The following THSD4 variants were observed in gnomAD, a reference collection of about 807,000 sequenced individuals.
THSD4 encodes thrombospondin type-1 domain-containing protein 4.
THSD4 carries 69 observed loss-of-function variants against 119.0 expected under a neutral mutation model. The ratio of observed to expected loss-of-function variants is 0.58; its 90% CI spans 0.48 to 0.71. The LOEUF (loss-of-function observed/expected upper bound fraction) is 0.71, where lower values mean the gene tolerates loss of function less well. Ranked by LOEUF, THSD4 falls within the 30% of genes least tolerant of loss-of-function variation. THSD4 has a pLI of 0.00. For synonymous variants in THSD4, 524 were observed against 540.4 expected (o/e 0.97, Z 0.42); for missense variants, 1,393 against 1,391.1 (o/e 1.00, Z -0.02).
chr15:71,284,445 A>G (rs928187307), intron 6 of THSD4, among the ~76,000 whole-genome samples: 3 of 152,190 alleles, frequency 2.0e-5, no homozygotes, highest in Admixed American at 1.3e-4. Context: ...AAGTGGTTCC[A>G]TGCTACATTT....
At position 71,413,349 on chromosome 15, in the gene THSD4, T is replaced by C. The variant is rs543763852; in HGVS notation, c.1152+1526T>C. On this transcript the variant is annotated intron_variant, in intron 7 of 17. Transcript: ENST00000261862. ...AGTTTTCTTAAAATATACAATAAAT[T>C]ATTATTAGCTATAGTCACCCTATTG... 3.3e-5 allele frequency among the ~76,000 whole-genome samples: 5 copies of C among 152,310 alleles called. No individual in the cohort carries two copies. The South Asian group carries it at 1.0e-3, about 32-fold the overall frequency.
chr15:71,716,517 T>C (rs1216985838), intron 8 of THSD4, among the ~76,000 whole-genome samples: 2 of 150,334 alleles, frequency 1.3e-5, no homozygotes, highest in Non-Finnish European at 3.0e-5. Context: ...GATTTAATTC[T>C]TTTTGTTCAT....
chr15:71,737,978 C>T lies in THSD4; in HGVS notation c.1877C>T (p.Thr626Ile), dbSNP rs537852150. ...GATCACAACTGGAAGCAGCTTGGGA[C>T]AACAGAATGTTCCACGACCTGTGGG... ...SRDHNWKQLGTTECSTTCGKG... is the reference protein window; with the variant it reads ...SRDHNWKQLGITECSTTCGKG... The change falls in exon 11 of 18, where the codon ACA becomes ATA. Residue 626 changes from threonine (T) to isoleucine (I), a missense_variant. By Grantham distance (89) the Thr-to-Ile change is moderately conservative (BLOSUM62 -1). Coordinates refer to ENST00000261862, the MANE Select transcript of THSD4 (RefSeq NM_024817.3). 6.2e-7 allele frequency: 1 copy of T among 1,613,804 alleles called. No homozygotes were observed.
chr15:71,156,660 C>A (rs1299072332), intron 3 of THSD4, among the ~76,000 whole-genome samples: 3 of 152,090 alleles, frequency 2.0e-5, no homozygotes, highest in Non-Finnish European at 2.9e-5. Flanking sequence ...TTCTTGGGAG[C>A]AGTTCTTTGC....
At chr15:71,608,148 G>A (rs142681383) in intron 7 of THSD4, among the ~76,000 whole-genome samples, 11,948 of 150,804 alleles carry the variant, frequency 0.079, 508 homozygotes, top group Admixed American at 0.12. Context: ...GTTTGAACCC[G>A]GGAGGCGGTG....
intron 6 of THSD4, among the ~76,000 whole-genome samples, chr15:71,325,994 C>A (rs1024912179): frequency 2.5e-4 from 38 of 152,150 alleles, no homozygotes; most frequent in African/African-American, 8.7e-4. Flanking sequence ...ACAATTTCCA[C>A]CTCTGTGATA....
chr15:71,266,209 C>T lies in THSD4; in HGVS notation c.1015+9494C>T, dbSNP rs186522766. On this transcript the variant is annotated intron_variant, in intron 6 of 17. Coordinates refer to ENST00000261862, the MANE Select transcript of THSD4 (RefSeq NM_024817.3). ...TTGACAGACACCTCATACAGGAGAG[C>T]GCCGGCTGGCATCTAGTGGGGGTCC... is the stretch of plus-strand genomic sequence containing the variant. Among the ~76,000 whole-genome samples the T allele has an allele frequency of 1.8e-4, 28 of 152,262 alleles. No individual in the cohort carries two copies. In the East Asian group the frequency reaches 2.1e-3, roughly 12 times the overall value.
chr15:71,449,775 T>A (rs1292924182), intron 7 of THSD4, among the ~76,000 whole-genome samples: 1 of 152,166 alleles, frequency 6.6e-6, no homozygotes, highest in African/African-American at 2.4e-5. Context: ...GTAAGTAGAT[T>A]TAATTGGGAG....
At position 71,215,083 on chromosome 15, in the gene THSD4, G is replaced by T; in HGVS notation, c.148G>T (p.Gly50Cys). 1 of 1,304,238 alleles carries T rather than the reference G, an allele frequency of 7.7e-7. No individual in the cohort carries two copies. The allele number at this position is 1,304,238 out of a possible 1,614,324, so 80.8% of individuals were successfully genotyped here. The change falls in exon 4 of 18, where the codon GGC becomes TGC. Residue 50 changes from glycine to cysteine, a missense_variant. Gly to Cys is a radical substitution (Grantham distance 159). Transcript: ENST00000261862. ...AEGAPEDDGG[G>C]GAPGVWGAWG... ...GGGCGCCCCCGAGGACGACGGCGGC[G>T]GCGGCGCCCCGGGAGTGTGGGGCGC...
At chr15:71,530,945 C>CG (rs1251124922) in intron 7 of THSD4, among the ~76,000 whole-genome samples, 2 of 54,064 alleles carry the variant, frequency 3.7e-5, no homozygotes, top group Non-Finnish European at 7.4e-5. Context: ...AAATGGGGGG[C>CG]GGGGGCATTG....
intron 6 of THSD4, among the ~76,000 whole-genome samples, chr15:71,390,777 A>G (rs2046365576): frequency 6.8e-6 from 1 of 146,898 alleles, no homozygotes; most frequent in Non-Finnish European, 1.5e-5. Context: ...TCTCAAATAT[A>G]TTGGGCTTTC....
At chr15:71,642,319 C>T (rs980571225) in intron 7 of THSD4, among the ~76,000 whole-genome samples, 2 of 152,052 alleles carry the variant, frequency 1.3e-5, no homozygotes, top group African/African-American at 2.4e-5. Context: ...GGAGAGGATG[C>T]AGAGAAATAG....
At chr15:71,567,060 T>C (rs2049255712) in intron 7 of THSD4, among the ~76,000 whole-genome samples, 1 of 152,108 alleles carries the variant, frequency 6.6e-6, no homozygotes, top group African/African-American at 2.4e-5. Context: ...ATAGCAACGC[T>C]AAAAGTTAAT....
At chr15:71,566,779 T>A (rs1457663293) in intron 7 of THSD4, among the ~76,000 whole-genome samples, 1 of 148,770 alleles carries the variant, frequency 6.7e-6, no homozygotes, top group Non-Finnish European at 1.5e-5. Context: ...CATTCCCACT[T>A]GGTCATCACC....
At chr15:71,403,079 G>C (rs1468240602) in intron 6 of THSD4, among the ~76,000 whole-genome samples, 1 of 152,242 alleles carries the variant, frequency 6.6e-6, no homozygotes, top group South Asian at 2.1e-4. Flanking sequence ...TCTCTGACCT[G>C]CTCTAGTCTT....
At chr15:71,316,746 G>T (rs1350128208) in intron 6 of THSD4, among the ~76,000 whole-genome samples, 1 of 152,146 alleles carries the variant, frequency 6.6e-6, no homozygotes, top group African/African-American at 2.4e-5. Flanking sequence ...CAAGCAGCAG[G>T]GTCTGGCTGG....
upstream of THSD4, chr15:71,112,227 G>A: frequency 6.2e-7 from 1 of 1,611,928 alleles, no homozygotes; most frequent in Non-Finnish European, 8.5e-7. Context: ...GTAGGCAGAG[G>A]GCTGATCAGT....
intron 6 of THSD4, among the ~76,000 whole-genome samples, chr15:71,327,199 C>T (rs1179222846): frequency 6.6e-6 from 1 of 152,152 alleles, no homozygotes; most frequent in South Asian, 2.1e-4. Context: ...TCAAACACTC[C>T]AATAGACCAC....
chr15:71,738,413 C>G (rs11635490), intron 11 of THSD4, among the ~76,000 whole-genome samples: 47,912 of 152,070 alleles, frequency 0.32, 9,286 homozygotes, highest in Non-Finnish European at 0.44. Flanking sequence ...CCTCTGTGAG[C>G]CTGTCTATGA....
Sources: gnomAD v4.1 joint callset for allele counts (sites outside exome capture counted in the v4.1 genomes callset) on GRCh38, gnomAD v4.1.1 for gene constraint, MANE v1.5 for transcripts, NCBI Gene and HGNC (gene_info 2026-07-23, HGNC 2026-07-21) for gene names.